The following FNIP1 variants were observed in gnomAD, a reference collection of about 807,000 sequenced individuals.
FNIP1 encodes the protein folliculin interacting protein 1.
FNIP1 carries 40 observed loss-of-function variants against 124.5 expected under a neutral mutation model. The observed-to-expected ratio is 0.32, with a 90% CI of 0.25 to 0.42. The LOEUF is 0.42. Among genes scored for constraint, FNIP1 ranks in the 10% least tolerant of loss-of-function variants. FNIP1 has a pLI of 1.00. For missense variants in FNIP1, 1,176 were observed against 1,403.7 expected, an observed-to-expected ratio of 0.84 and a Z score of 2.59; for synonymous variants, 472 against 470.6, an observed-to-expected ratio of 1.00 and a Z score of -0.04.
rs79500702 is a variant in FNIP1, at chr5:131,737,712, C to T, written c.220-6674G>A. On this transcript the variant is annotated intron_variant, in intron 2 of 17. Transcript: ENST00000510461. ...TACATGTAAAGATAGTAAGTGCTAA[C>T]GTGAGTTAGCTGCTGCTATCATTAT... Among the ~76,000 whole-genome samples the T allele has an allele frequency of 4.7e-3, 716 of 152,262 alleles. 8 individuals carry two copies. Among genetic ancestry groups the T allele is most frequent in the African/African-American group, 0.016 (680 of 41,556 alleles).
At chr5:131,728,882 T>C (rs12514390) in intron 3 of FNIP1, among the ~76,000 whole-genome samples, 10,754 of 152,268 alleles carry the variant, frequency 0.071, 492 homozygotes, top group Non-Finnish European at 0.1. Context: ...ATGTCCTTTT[T>C]GTTGATGTTG....
chr5:131,732,240 A>G (rs946296434), intron 2 of FNIP1, among the ~76,000 whole-genome samples: 2 of 152,222 alleles, frequency 1.3e-5, no homozygotes, highest in Admixed American at 6.5e-5. Context: ...TAATCTGACT[A>G]AAGTCACATT....
At chr5:131,716,750 A>C (rs967609058) in intron 5 of FNIP1, 94 bp from the exon 6 acceptor site, 2 of 689,190 alleles carry the variant, frequency 2.9e-6, no homozygotes, top group Admixed American at 2.9e-5. Flanking sequence ...GTGCAAAAAC[A>C]GTTTCTTCCT....
At position 131,670,443 on chromosome 5, in the gene FNIP1, A is replaced by G. The variant is rs1580741093; in HGVS notation, c.3108+20T>C. On this transcript the variant is annotated intron_variant, in intron 15 of 17. Coordinates refer to ENST00000510461, the MANE Select transcript of FNIP1 (RefSeq NM_133372.3). ...CAGAGTTTCTTCTAAATAAACTCAA[A>G]AACAGTGAAGGTCACTCACCTGCAC... 2.0e-6 allele frequency: 3 copies of G among 1,534,364 alleles called. No individual in the cohort carries two copies. Among genetic ancestry groups the G allele is most frequent in the East Asian group, 2.3e-5 (1 of 42,830 alleles).
At chr5:131,775,698 T>A (rs1487503649) in intron 1 of FNIP1, among the ~76,000 whole-genome samples, 1 of 151,890 alleles carries the variant, frequency 6.6e-6, no homozygotes, top group African/African-American at 2.4e-5. Flanking sequence ...CGGCTAATTT[T>A]TGTATTTTTA....
chr5:131,705,407 G>A (rs1490429990), intron 9 of FNIP1, among the ~76,000 whole-genome samples: 3 of 152,084 alleles, frequency 2.0e-5, no homozygotes, highest in African/African-American at 4.8e-5. Flanking sequence ...CAGGGAGGTT[G>A]AGGCTGCAGT....
intron 1 of FNIP1, among the ~76,000 whole-genome samples, chr5:131,776,506 C>G (rs1771812276): frequency 1.3e-5 from 2 of 152,178 alleles, no homozygotes; most frequent in South Asian, 4.1e-4. Context: ...AATACTCCAT[C>G]AATAGACTGG....
chr5:131,752,689 A>T (rs1770917327), intron 1 of FNIP1, among the ~76,000 whole-genome samples: 1 of 152,240 alleles, frequency 6.6e-6, no homozygotes, highest in South Asian at 2.1e-4. Context: ...CAACTTGGGC[A>T]TTTCACAAAA....
intron 1 of FNIP1, among the ~76,000 whole-genome samples, chr5:131,759,440 C>G (rs547025415): frequency 7.4e-4 from 113 of 152,152 alleles, no homozygotes; most frequent in South Asian, 6.2e-3. Context: ...TGGCCAAAGA[C>G]ATGCACTGAC....
At chr5:131,771,688 T>G (rs3775992) in intron 1 of FNIP1, among the ~76,000 whole-genome samples, 97,338 of 151,424 alleles carry the variant, frequency 0.64, 32,992 homozygotes, top group Non-Finnish European at 0.77. Flanking sequence ...CCTCTCCCTC[T>G]CCACGTCTAC....
At chr5:131,673,028 GT>G in intron 13 of FNIP1, 104 bp from the exon 14 acceptor site, 1 of 744,724 alleles carries the variant, frequency 1.3e-6, no homozygotes, top group Non-Finnish European at 2.0e-6. Context: ...ATGAGTAATA[GT>G]TTAGGTTTTA....
intron 3 of FNIP1, among the ~76,000 whole-genome samples, chr5:131,727,383 A>T (rs1769917221): frequency 6.6e-6 from 1 of 152,004 alleles, no homozygotes; most frequent in African/African-American, 2.4e-5. Flanking sequence ...TGTTACACTG[A>T]TCCCTATTGT....
At chr5:131,718,497 C>T (rs955671308) in intron 5 of FNIP1, among the ~76,000 whole-genome samples, 2 of 152,230 alleles carry the variant, frequency 1.3e-5, no homozygotes. Flanking sequence ...ATGATCCTGA[C>T]ACCAGGCCTG....
intron 1 of FNIP1, among the ~76,000 whole-genome samples, chr5:131,772,522 C>A (rs533333023): frequency 6.6e-6 from 1 of 151,878 alleles, no homozygotes; most frequent in Non-Finnish European, 1.5e-5. Context: ...AAAACTGTTA[C>A]CTGAATCTCA....
At chr5:131,761,178 C>T (rs1771217786) in intron 1 of FNIP1, among the ~76,000 whole-genome samples, 1 of 152,172 alleles carries the variant, frequency 6.6e-6, no homozygotes, top group Non-Finnish European at 1.5e-5. Context: ...ATATAATGCT[C>T]TATTACTTTA....
At chr5:131,693,705 C>T (rs1424106882) in intron 11 of FNIP1, among the ~76,000 whole-genome samples, 1 of 151,768 alleles carries the variant, frequency 6.6e-6, no homozygotes, top group Admixed American at 6.6e-5. Context: ...AAATACTATA[C>T]AGGAAAGAAA....
In FNIP1 at chr5:131,647,821, A is replaced by G. The variant is rs148241291; in HGVS notation, c.3307-616T>C. Among the ~76,000 whole-genome samples the G allele has an allele frequency of 7.5e-3, 1,139 of 152,274 alleles. 8 individuals are homozygous for G. The highest frequency in any genetic ancestry group is 0.013 in the South Asian group (64 of 4,824). On this transcript the variant is annotated intron_variant, in intron 16 of 17. Coordinates refer to ENST00000510461, the MANE Select transcript of FNIP1 (RefSeq NM_133372.3). ...TACTTCAGTGGCACTAAGTACATTC[A>G]GAATGTTGTGCAACCGTCACTACTA...
intron 3 of FNIP1, among the ~76,000 whole-genome samples, chr5:131,728,268 G>A (rs1268327229): frequency 6.6e-6 from 1 of 152,142 alleles, no homozygotes; most frequent in African/African-American, 2.4e-5. Flanking sequence ...ATCCTTAAGA[G>A]TGTTTTCCAA....
chr5:131,735,203 G>T (rs566732941), intron 2 of FNIP1, among the ~76,000 whole-genome samples: 3 of 151,360 alleles, frequency 2.0e-5, no homozygotes, highest in Non-Finnish European at 4.4e-5. Context: ...GCAAACTATC[G>T]CAAGGACAAA....
Sources: allele counts gnomAD v4.1 joint callset (sites outside exome capture counted in the v4.1 genomes callset), GRCh38; gene constraint gnomAD v4.1.1; transcripts MANE v1.5; gene names NCBI Gene and HGNC (gene_info 2026-07-23, HGNC 2026-07-21).